SGMS1: variants seen among roughly 807,000 people sequenced by gnomAD.
SGMS1 encodes phosphatidylcholine:ceramide cholinephosphotransferase 1.
SGMS1 carries 13 observed loss-of-function variants against 46.2 expected under a neutral mutation model. That is an observed-to-expected ratio of 0.28 (90% CI 0.18 to 0.45). SGMS1 has a LOEUF of 0.45. Among genes scored for constraint, SGMS1 ranks in the 20% least tolerant of loss-of-function variants. The pLI is 1.00. For synonymous variants in SGMS1, 203 were observed against 187.8 expected (o/e 1.08, Z -0.66); for missense variants, 324 against 519.9 (o/e 0.62, Z 3.66).
chr10:50,409,476 G>A (rs1849067596), intron 6 of SGMS1, among the ~76,000 whole-genome samples: 1 of 152,090 alleles, frequency 6.6e-6, no homozygotes, highest in South Asian at 2.1e-4. Context: ...AAGACCATAT[G>A]GTTTTCATAC....
chr10:50,610,135 T>C (rs1031975620), intron 1 of SGMS1, among the ~76,000 whole-genome samples: 1 of 152,136 alleles, frequency 6.6e-6, no homozygotes, highest in South Asian at 2.1e-4. Flanking sequence ...ATGCCAGCGG[T>C]ATCATTTTGT....
At chr10:50,457,373 T>C (rs77693379) in intron 5 of SGMS1, among the ~76,000 whole-genome samples, 1 of 152,212 alleles carries the variant, frequency 6.6e-6, no homozygotes, top group Non-Finnish European at 1.5e-5. Context: ...CAAATTTTCT[T>C]TTTTTCCTTT....
At chr10:50,348,880 C>G (rs1208898165) in intron 6 of SGMS1, among the ~76,000 whole-genome samples, 1 of 152,160 alleles carries the variant, frequency 6.6e-6, no homozygotes, top group East Asian at 1.9e-4. Context: ...GCAAAAAGAA[C>G]AAAGTTGGAA....
chr10:50,511,374 GCAAGCCCCATCCT>G (rs1486058056), intron 3 of SGMS1, among the ~76,000 whole-genome samples: 1 of 152,038 alleles, frequency 6.6e-6, no homozygotes, highest in Non-Finnish European at 1.5e-5. Context: ...GTCCTTGTAA[GCAAGCCCCATCCT>G]CAGACTCAGT....
intron 3 of SGMS1, among the ~76,000 whole-genome samples, chr10:50,513,696 C>G (rs544483906): frequency 6.6e-6 from 1 of 152,276 alleles, no homozygotes; most frequent in East Asian, 1.9e-4. Flanking sequence ...ATAAAATCAG[C>G]ATTCAGGTTT....
intron 3 of SGMS1, chr10:50,472,986 CT>C (rs1250204802): frequency 6.6e-6 from 1 of 152,084 alleles, no homozygotes; most frequent in Non-Finnish European, 1.5e-5. Flanking sequence ...GAAATATGAT[CT>C]AGTAAAATCT....
Position 50,440,612 on chromosome 10 carries a change from A to C in SGMS1, c.-312-7056T>G, listed in dbSNP as rs375690784. Among the ~76,000 whole-genome samples, 48 of 152,186 alleles carry C rather than the reference A, an allele frequency of 3.2e-4. No homozygotes were observed. The East Asian group carries it at 3.5e-3, about 11-fold the overall frequency. On this transcript the variant is annotated intron_variant, in intron 5 of 10. Coordinates refer to ENST00000361781, the MANE Select transcript of SGMS1 (RefSeq NM_147156.4). The stretch of plus-strand genomic sequence containing the variant: ...GCTCGTTCCTTTAGATATACATAAA[A>C]TATTTCCAGAAACAGGCTCTCACTC...
At chr10:50,439,527 C>G (rs765069145) in intron 5 of SGMS1, among the ~76,000 whole-genome samples, 2 of 152,104 alleles carry the variant, frequency 1.3e-5, no homozygotes, top group Non-Finnish European at 2.9e-5. Flanking sequence ...TATAATCAGA[C>G]CTACCAAACT....
At chr10:50,614,600 G>T (rs1383679886) in intron 1 of SGMS1, among the ~76,000 whole-genome samples, 2 of 152,200 alleles carry the variant, frequency 1.3e-5, no homozygotes, top group Admixed American at 6.5e-5. Flanking sequence ...CAGAAACTCT[G>T]GCAGAGGTGG....
intron 3 of SGMS1, among the ~76,000 whole-genome samples, chr10:50,479,922 A>G (rs1837461192): frequency 6.6e-6 from 1 of 152,214 alleles, no homozygotes; most frequent in Non-Finnish European, 1.5e-5. Context: ...TTCTAAAATC[A>G]TATAATAATT....
rs1337508516 is a variant in SGMS1 at position 50,485,291 on chromosome 10, T to G, written c.-497-18359A>C. Among the ~76,000 whole-genome samples, 3 of 152,140 alleles carry G rather than the reference T, an allele frequency of 2.0e-5. No individual in the cohort carries two copies. The East Asian group carries it at 5.8e-4, about 29-fold the overall frequency. ...AGCCAAATCATGAATGAGCTCTTAT[T>G]CACAATTGCTACAAAGAGAATAAAA... On this transcript the variant is annotated intron_variant, in intron 3 of 10. Coordinates refer to ENST00000361781, the MANE Select transcript of SGMS1 (RefSeq NM_147156.4).
intron 7 of SGMS1, among the ~76,000 whole-genome samples, chr10:50,334,062 G>T (rs1018868081): frequency 1.3e-5 from 2 of 152,168 alleles, no homozygotes; most frequent in African/African-American, 4.8e-5. Context: ...TTCAGACTTT[G>T]AATCAGCTGC....
At chr10:50,446,596 A>T (rs546372091) in intron 5 of SGMS1, among the ~76,000 whole-genome samples, 12 of 152,368 alleles carry the variant, frequency 7.9e-5, no homozygotes, top group Non-Finnish European at 1.2e-4. Context: ...TGATACATGC[A>T]GTAAGAGTAT....
rs57835243 is a variant in SGMS1 at position 50,382,568 on chromosome 10, T to TACACACACACACACAC, written c.-231-38239_-231-38224dup. ...GAAAACACACACACAAACACACACA[T>TACACACACACACACAC]ACACACACACACACACACACACACA... is the stretch of plus-strand genomic sequence containing the variant. On this transcript the variant is annotated intron_variant, in intron 6 of 10. Coordinates refer to ENST00000361781, the MANE Select transcript of SGMS1 (RefSeq NM_147156.4). Among the ~76,000 whole-genome samples the TACACACACACACACAC allele has an allele frequency of 4.6e-3, 662 of 142,746 alleles. 6 individuals are homozygous for TACACACACACACACAC. Among genetic ancestry groups the TACACACACACACACAC allele is most frequent in the African/African-American group, 0.016 (617 of 38,250 alleles). The allele number at this position is 142,746 out of a possible 152,430, so 93.6% of individuals were successfully genotyped here.
intron 1 of SGMS1, among the ~76,000 whole-genome samples, chr10:50,592,906 A>AGCCTCCAAGATGGCCCGTGGTGATATCC (rs144027159): frequency 0.14 from 20,494 of 151,774 alleles, 1,641 homozygotes; most frequent in Non-Finnish European, 0.19. Context: ...TGTGGTAGCC[A>AGCCTCCAAGATGGCCCGTGGTGATATCC]GCCTCCAAGA....
At chr10:50,528,117 T>A (rs1177298903) in intron 2 of SGMS1, among the ~76,000 whole-genome samples, 1 of 152,334 alleles carries the variant, frequency 6.6e-6, no homozygotes, top group Non-Finnish European at 1.5e-5. Context: ...GTACACAATA[T>A]CAGTCTATAA....
chr10:50,415,621 T>G (rs1207861067), intron 6 of SGMS1, among the ~76,000 whole-genome samples: 4 of 152,124 alleles, frequency 2.6e-5, no homozygotes. Flanking sequence ...GAATATTTCA[T>G]GGTATTTCAT....
At chr10:50,418,086 T>C (rs545925156) in intron 6 of SGMS1, 1 of 152,338 alleles carries the variant, frequency 6.6e-6, no homozygotes, top group Admixed American at 6.5e-5. Flanking sequence ...CCGGAGGCAG[T>C]GTCTCCTGGA....
At chr10:50,380,276 G>C (rs926700570) in intron 6 of SGMS1, among the ~76,000 whole-genome samples, 1 of 151,866 alleles carries the variant, frequency 6.6e-6, no homozygotes, top group African/African-American at 2.4e-5. Flanking sequence ...AGCTACCTGG[G>C]AGGCTGAGGC....
Sources: gnomAD v4.1 joint callset for allele counts (sites outside exome capture counted in the v4.1 genomes callset) on GRCh38, gnomAD v4.1.1 for gene constraint, MANE v1.5 for transcripts, NCBI Gene and HGNC (gene_info 2026-07-23, HGNC 2026-07-21) for gene names.